Variants in LIMK2 observed in about 807,000 individuals in gnomAD.
LIMK2 encodes the protein LIM domain kinase 2.
Under a neutral mutation model 75.7 loss-of-function variants are expected in LIMK2, and 35 were observed. The observed-to-expected ratio is 0.46, with a 90% CI of 0.35 to 0.61. LIMK2 has a LOEUF of 0.61. Among genes scored for constraint, LIMK2 ranks in the 20% least tolerant of loss-of-function variants. The pLI is 0.00. For synonymous variants in LIMK2, 301 were observed against 319.2 expected, an observed-to-expected ratio of 0.94 and a Z score of 0.61; for missense variants, 623 against 831.0, an observed-to-expected ratio of 0.75 and a Z score of 3.08.
intron 2 of LIMK2, among the ~76,000 whole-genome samples, chr22:31,229,648 T>C (rs1232051270): frequency 6.6e-6 from 1 of 152,142 alleles, no homozygotes; most frequent in African/African-American, 2.4e-5. Flanking sequence ...ACTTTTCTTC[T>C]CCCCTTCCCC....
At chr22:31,216,790 G>A (rs1039819567) in intron 1 of LIMK2, among the ~76,000 whole-genome samples, 1 of 152,122 alleles carries the variant, frequency 6.6e-6, no homozygotes, top group Non-Finnish European at 1.5e-5. Flanking sequence ...CCAGAACAGG[G>A]CTGCCTTCTT....
chr22:31,237,214 T>C (rs1185874778), intron 2 of LIMK2, among the ~76,000 whole-genome samples: 1 of 141,454 alleles, frequency 7.1e-6, no homozygotes, highest in Admixed American at 7.3e-5. Context: ...TGAGCTGAGA[T>C]CGCGCCACTG....
chr22:31,267,832 G>A lies in LIMK2; in HGVS notation c.1185G>A (p.Leu395=), dbSNP rs1466804281. 3.1e-6 allele frequency: 5 copies of A among 1,613,186 alleles called. No homozygotes were observed. The highest frequency in any genetic ancestry group is 1.7e-4 in the Middle Eastern group (1 of 6,052). Residue 395 remains leucine, a synonymous_variant, in exon 10 of 16, where the codon CTG becomes CTA. Coordinates refer to ENST00000331728, the MANE Select transcript of LIMK2 (RefSeq NM_005569.4). ...ATGTGCTCAAGTTCATTGGTGTGCTGTACAAGGATAAGAAGCTGAACCTCC... is the reference window on the plus strand; with the variant it reads ...ATGTGCTCAAGTTCATTGGTGTGCTATACAAGGATAAGAAGCTGAACCTCC... ...HPNVLKFIGV[L]YKDKKLNLLT... is the part of the protein sequence containing the mutation.
intron 2 of LIMK2, chr22:31,248,362 T>G: frequency 1.6e-6 from 2 of 1,274,284 alleles, no homozygotes; most frequent in Non-Finnish European, 2.0e-6. Flanking sequence ...AAGGCTAACT[T>G]GACAGCAGCG....
intron 2 of LIMK2, among the ~76,000 whole-genome samples, chr22:31,240,455 C>G (rs1349902361): frequency 6.8e-6 from 1 of 147,850 alleles, no homozygotes; most frequent in Non-Finnish European, 1.5e-5. Context: ...GTTGGAGTCT[C>G]GCTGTGTCGC....
At chr22:31,268,244 G>A (rs1366161832) in intron 11 of LIMK2, 44 bp downstream of exon 11, 24 of 1,524,710 alleles carry the variant, frequency 1.6e-5, no homozygotes, top group Non-Finnish European at 1.9e-5. Context: ...AGAGTAGGGA[G>A]AGGTGTGAGA....
Position 31,277,311 on chromosome 22 carries a change from G to T in LIMK2, c.1773-986G>T, listed in dbSNP as rs1264144467. The T allele has an allele frequency of 2.8e-6, 4 of 1,443,540 alleles. No homozygotes were observed. In the Admixed American group the frequency reaches 8.6e-5, roughly 31 times the overall value. The allele number at this position is 1,443,540 out of a possible 1,614,324, so 89.4% of individuals were successfully genotyped here. On this transcript the variant is annotated intron_variant, in intron 15 of 15. Coordinates refer to ENST00000331728, the MANE Select transcript of LIMK2 (RefSeq NM_005569.4). ...CCTGCCCCCTCAGTTTTCCACTTTT[G>T]GATTTTTTTATTGTTATTAAACTGA...
chr22:31,243,302 T>A (rs763593011), intron 2 of LIMK2, among the ~76,000 whole-genome samples: 4 of 152,044 alleles, frequency 2.6e-5, no homozygotes, highest in Non-Finnish European at 5.9e-5. Context: ...GCACGAAAGA[T>A]GGTTAGTAGA....
At chr22:31,248,166 A>C (rs2048688290) in intron 2 of LIMK2, among the ~76,000 whole-genome samples, 1 of 151,922 alleles carries the variant, frequency 6.6e-6, no homozygotes, top group Admixed American at 6.5e-5. Flanking sequence ...CCCTGAGCTC[A>C]GGATGGACGC....
chr22:31,260,056 C>A lies in LIMK2; in HGVS notation c.530C>A (p.Ala177Asp). Reference sequence around the variant, plus strand: ...GTGGAGAGTGCCTGCTCCAACTACGCCACCACTGTGCAAGTGAAAGAGTAA... The same window carrying A: ...GTGGAGAGTGCCTGCTCCAACTACGACACCACTGTGCAAGTGAAAGAGTAA... ...VSVESACSNY[A>D]TTVQVKEVNR... The change falls in exon 5 of 16, where the codon GCC (alanine) becomes GAC (aspartate). Residue 177 changes from alanine (A) to aspartate (D), a missense_variant. Transcript: ENST00000331728. 6.3e-7 allele frequency: 1 copy of A among 1,591,418 alleles called. No individual in the cohort carries two copies. Among genetic ancestry groups the A allele is most frequent in the Non-Finnish European group, 8.5e-7 (1 of 1,171,832 alleles).
At chr22:31,256,770 G>A (rs1337632269) in intron 2 of LIMK2, among the ~76,000 whole-genome samples, 1 of 152,200 alleles carries the variant, frequency 6.6e-6, no homozygotes, top group African/African-American at 2.4e-5. Context: ...GCAGGATCAA[G>A]ATTCAAACCA....
intron 2 of LIMK2, among the ~76,000 whole-genome samples, chr22:31,254,307 C>T (rs778665874): frequency 6.6e-6 from 1 of 152,226 alleles, no homozygotes; most frequent in Non-Finnish European, 1.5e-5. Context: ...CGTAACAGAG[C>T]CCAGGCCTGC....
intron 2 of LIMK2, among the ~76,000 whole-genome samples, chr22:31,256,323 C>G (rs1341015072): frequency 2.0e-5 from 3 of 148,276 alleles, no homozygotes; most frequent in African/African-American, 7.5e-5. Context: ...TATAAGCTAT[C>G]TCTAGCTAGC....
intron 8 of LIMK2, 120 bp from the exon 9 acceptor site, chr22:31,266,864 A>G: frequency 1.4e-6 from 1 of 709,410 alleles, no homozygotes. Flanking sequence ...GAACTCTGTC[A>G]TTCTGACCCG....
intron 15 of LIMK2, chr22:31,277,264 C>G: frequency 1.3e-6 from 2 of 1,523,692 alleles, no homozygotes; most frequent in South Asian, 2.6e-5. Flanking sequence ...CTCCTCGTGC[C>G]CCTGGCCCAG....
rs557460168 is a variant in LIMK2, at chr22:31,278,649, G to A, written c.*208G>A. 6.0e-4 allele frequency: 268 copies of A among 446,008 alleles called. 1 individual carries two copies. The highest frequency in any genetic ancestry group is 5.6e-4 in the Non-Finnish European group (142 of 254,530). The allele number at this position is 446,008 out of a possible 1,614,324, so 27.6% of individuals were successfully genotyped here. A position where few individuals can be genotyped will look rare whatever the true frequency, so the allele number is the denominator to read the frequency against. On this transcript the variant is annotated 3_prime_UTR_variant, in exon 16 of 16. Coordinates refer to ENST00000331728, the MANE Select transcript of LIMK2 (RefSeq NM_005569.4). ...CCACAGGTTCTGGGGCCTAGTTACT[G>A]TCTGTAAATCCAATACTTGCCTGAA...
intron 2 of LIMK2, among the ~76,000 whole-genome samples, chr22:31,232,774 AT>A (rs1315863568): frequency 6.6e-6 from 1 of 151,538 alleles, no homozygotes; most frequent in African/African-American, 2.4e-5. Context: ...TTTTTTTTTA[AT>A]TTTTTGTAGA....
chr22:31,242,050 A>G (rs1601415381), intron 2 of LIMK2, among the ~76,000 whole-genome samples: 1 of 152,318 alleles, frequency 6.6e-6, no homozygotes, highest in East Asian at 1.9e-4. Context: ...TTAGAGCCTC[A>G]AATTGCTGGG....
intron 2 of LIMK2, among the ~76,000 whole-genome samples, chr22:31,246,392 C>A (rs1367781216): frequency 2.0e-5 from 3 of 151,352 alleles, no homozygotes; most frequent in East Asian, 3.9e-4. Context: ...AGAAAAAAAT[C>A]TTTCCATAAG....
Sources: allele counts gnomAD v4.1 joint callset (sites outside exome capture counted in the v4.1 genomes callset), GRCh38; gene constraint gnomAD v4.1.1; transcripts MANE v1.5; gene names NCBI Gene and HGNC (gene_info 2026-07-23, HGNC 2026-07-21).